SSC4D: variants seen among roughly 807,000 people sequenced by gnomAD.
SSC4D encodes the protein scavenger receptor cysteine rich family member with 4 domains.
SSC4D carries 57 observed loss-of-function variants against 63.4 expected under a neutral mutation model. That is an observed-to-expected ratio of 0.90 (90% CI 0.73 to 1.12). The LOEUF (loss-of-function observed/expected upper bound fraction) is 1.12, where lower values mean the gene tolerates loss of function less well. Among genes scored for constraint, SSC4D ranks in the 50% most tolerant of loss-of-function variants. SSC4D has a pLI of 0.00. For synonymous variants in SSC4D, 352 were observed against 345.4 expected (o/e 1.02, Z -0.21); for missense variants, 791 against 806.4 (o/e 0.98, Z 0.23).
At chr7:76,400,137 G>A (rs924444110) in intron 4 of SSC4D, 149 bp downstream of exon 4, 36 of 883,862 alleles carry the variant, frequency 4.1e-5, no homozygotes, top group Middle Eastern at 2.8e-4. Context: ...ACCCAGGCTG[G>A]GGTTCTTCCC....
In SSC4D at chr7:76,398,750, C is replaced by A; in HGVS notation, c.523G>T (p.Ala175Ser). 6.2e-7 allele frequency: 1 copy of A among 1,613,552 alleles called. No individual in the cohort carries two copies. Among genetic ancestry groups the A allele is most frequent in the South Asian group, 1.1e-5 (1 of 91,076 alleles). ...CCATTCGGCAGTGTCGTAGGAGGTG[C>A]TCTACTGGTTAACATCTTCCTTGTT... Reference protein sequence around the residue: ...PPTRKMLTSRAPPTTLPNGKS... With the variant: ...PPTRKMLTSRSPPTTLPNGKS... The change falls in exon 5 of 11, where the codon GCA (alanine) becomes TCA (serine). Residue 175 changes from alanine (A) to serine (S), a missense_variant. By Grantham distance (99) the Ala-to-Ser change is moderately conservative. Transcript: ENST00000275560.
chr7:76,397,052 T>G (rs899379027), intron 6 of SSC4D, among the ~76,000 whole-genome samples: 23 of 152,146 alleles, frequency 1.5e-4, no homozygotes, highest in Non-Finnish European at 5.9e-5. Context: ...GCTATAGAAT[T>G]CTCGAGTATT....
rs544282272 is a variant in SSC4D, at chr7:76,389,711, G to C, written c.*348C>G. On this transcript the variant is annotated 3_prime_UTR_variant, in exon 11 of 11. Coordinates refer to ENST00000275560, the MANE Select transcript of SSC4D (RefSeq NM_080744.2). The stretch of plus-strand genomic sequence containing the variant: ...CATTTAAAGAGCCCCTGAGCCTCCT[G>C]GATCTAGGTCAAGGAAGGCAGAGTC... 9 of 250,404 alleles carry C rather than the reference G, an allele frequency of 3.6e-5. No individual in the cohort carries two copies. In the East Asian group the frequency reaches 8.4e-4, roughly 23 times the overall value. The allele number at this position is 250,404 out of a possible 1,614,324, so 15.5% of individuals were successfully genotyped here.
chr7:76,400,650 A>G (rs1804791896), intron 3 of SSC4D, 59 bp from the exon 4 acceptor site: 1 of 1,388,110 alleles, frequency 7.2e-7, no homozygotes, highest in Non-Finnish European at 9.5e-7. Flanking sequence ...CAGCATGCCC[A>G]CTCCAGGATG....
intron 6 of SSC4D, 51 bp downstream of exon 6, chr7:76,397,467 A>C: frequency 7.0e-7 from 1 of 1,438,732 alleles, no homozygotes; most frequent in Middle Eastern, 2.5e-4. Flanking sequence ...GCATTGCCAC[A>C]GGGCCCCGCC....
chr7:76,396,650 A>G (rs1293016219), intron 6 of SSC4D, among the ~76,000 whole-genome samples: 2 of 152,196 alleles, frequency 1.3e-5, no homozygotes, highest in Non-Finnish European at 2.9e-5. Flanking sequence ...CTGTGTGACC[A>G]TGGGCAAGGC....
intron 10 of SSC4D, 80 bp downstream of exon 10, chr7:76,391,884 C>A: frequency 7.0e-7 from 1 of 1,419,572 alleles, no homozygotes; most frequent in Non-Finnish European, 9.7e-7. Context: ...AGCTTTATAA[C>A]CTAGGCTGTG....
At chr7:76,392,855 C>A (rs1430155290) in intron 9 of SSC4D, among the ~76,000 whole-genome samples, 1 of 152,082 alleles carries the variant, frequency 6.6e-6, no homozygotes, top group African/African-American at 2.4e-5. Flanking sequence ...AAACAGAACC[C>A]TCTGTGGCCA....
intron 2 of SSC4D, among the ~76,000 whole-genome samples, chr7:76,402,051 A>AGTCT (rs1804847414): frequency 6.6e-6 from 1 of 151,592 alleles, no homozygotes; most frequent in African/African-American, 2.4e-5. Context: ...ACAGTGTCTC[A>AGTCT]GTCTGTCACC....
intron 1 of SSC4D, 91 bp downstream of exon 1, chr7:76,409,323 T>TCACACACA (rs3081030): frequency 3.4e-5 from 5 of 146,428 alleles, no homozygotes; most frequent in East Asian, 2.0e-4. Flanking sequence ...TCTCTCTGTC[T>TCACACACA]CACACACACA....
At chr7:76,394,847 A>ATATATAT (rs1563681055) in intron 7 of SSC4D, among the ~76,000 whole-genome samples, 2 of 143,274 alleles carry the variant, frequency 1.4e-5, no homozygotes, top group Non-Finnish European at 1.5e-5. Context: ...TATATATAAG[A>ATATATAT]TATATATAAT....
chr7:76,395,784 C>A (rs1303286611), intron 6 of SSC4D, among the ~76,000 whole-genome samples: 1 of 152,224 alleles, frequency 6.6e-6, no homozygotes, highest in Non-Finnish European at 1.5e-5. Context: ...CTCCGCCTCC[C>A]AGGTTCAAGC....
intron 1 of SSC4D, among the ~76,000 whole-genome samples, chr7:76,406,143 G>A (rs1041978880): frequency 1.3e-5 from 2 of 151,618 alleles, no homozygotes; most frequent in East Asian, 1.9e-4. Context: ...CCGCCACCAC[G>A]CCCGGCTCAT....
chr7:76,407,667 A>C (rs1204936226), intron 1 of SSC4D, among the ~76,000 whole-genome samples: 2 of 152,140 alleles, frequency 1.3e-5, no homozygotes, highest in Non-Finnish European at 2.9e-5. Context: ...CAGGAGTTCA[A>C]GGCTGCAGTT....
chr7:76,400,837 G>A (rs1300086802), intron 3 of SSC4D, among the ~76,000 whole-genome samples, 171 bp downstream of exon 3: 1 of 152,108 alleles, frequency 6.6e-6, no homozygotes, highest in African/African-American at 2.4e-5. Context: ...GAAGCCATGG[G>A]AACCTTGGGA....
At chr7:76,391,481 C>T (rs1379788021) in intron 10 of SSC4D, among the ~76,000 whole-genome samples, 1 of 152,168 alleles carries the variant, frequency 6.6e-6, no homozygotes, top group Non-Finnish European at 1.5e-5. Context: ...GACCCATAGT[C>T]TCAGGACTGG....
intron 10 of SSC4D, 61 bp downstream of exon 10, chr7:76,391,903 C>A: frequency 6.6e-7 from 1 of 1,508,594 alleles, no homozygotes; most frequent in Non-Finnish European, 9.0e-7. Context: ...TGACCTCCCC[C>A]AATCCAGGTC....
At position 76,393,582 on chromosome 7, in the gene SSC4D, C is replaced by T. The variant is rs1238086479; in HGVS notation, c.1156G>A (p.Gly386Ser). 4.0e-6 allele frequency: 6 copies of T among 1,511,394 alleles called. No homozygotes were observed. The African/African-American group carries it at 8.6e-5, about 22-fold the overall frequency. The allele number at this position is 1,511,394 out of a possible 1,614,324, so 93.6% of individuals were successfully genotyped here. Residue 386 changes from glycine (G) to serine (S), a missense_variant, in exon 9 of 11, where the codon GGC (glycine) becomes AGC (serine). Physicochemically the swap from Gly to Ser is moderately conservative, Grantham distance 56. Coordinates refer to ENST00000275560, the MANE Select transcript of SSC4D (RefSeq NM_080744.2). Reference protein sequence around the residue: ...ADARVACREAGCGPALGATGL... With the variant: ...ADARVACREASCGPALGATGL... Reference sequence around the variant, plus strand: ...GTAGCGCCCAGCGCAGGCCCGCAGCCCGCTTCGCGGCAGGCCACGCGCGCG... The same window carrying T: ...GTAGCGCCCAGCGCAGGCCCGCAGCTCGCTTCGCGGCAGGCCACGCGCGCG...
intron 8 of SSC4D, 44 bp downstream of exon 8, chr7:76,393,786 C>G (rs1479389835): frequency 6.5e-7 from 1 of 1,529,950 alleles, no homozygotes; most frequent in Non-Finnish European, 8.8e-7. Flanking sequence ...GAGCCCCAGC[C>G]CTACCCTTCC....
Sources: allele counts gnomAD v4.1 joint callset (sites outside exome capture counted in the v4.1 genomes callset), GRCh38; gene constraint gnomAD v4.1.1; transcripts MANE v1.5; gene names NCBI Gene and HGNC (gene_info 2026-07-23, HGNC 2026-07-21).